The following UNC5A variants were observed in gnomAD, a reference collection of about 807,000 sequenced individuals.
UNC5A encodes the protein unc-5 netrin receptor A.
In UNC5A, 20 loss-of-function variants were observed where a neutral mutation model predicts 87.4. That is an observed-to-expected ratio of 0.23 (90% confidence interval 0.16 to 0.33). The LOEUF (loss-of-function observed/expected upper bound fraction) is 0.33, where lower values mean the gene tolerates loss of function less well. UNC5A is among the 10% of genes least tolerant of loss of function. The pLI is 1.00. For synonymous variants in UNC5A, 438 were observed against 482.3 expected (o/e 0.91, Z 1.20); for missense variants, 844 against 1,133.4 (o/e 0.74, Z 3.67).
chr5:176,824,223 C>T lies in UNC5A; in HGVS notation c.70+13403C>T, dbSNP rs1756797488. Among the ~76,000 whole-genome samples the T allele has an allele frequency of 1.3e-5, 2 of 152,162 alleles. No individual in the cohort carries two copies. Among genetic ancestry groups the T allele is most frequent in the South Asian group, 2.1e-4 (1 of 4,830 alleles). On this transcript the variant is annotated intron_variant, in intron 1 of 14. Transcript: ENST00000329542. The surrounding 1 kb of genome is among the most constrained non-coding windows in gnomAD (Gnocchi z 4.2). ...GACTATTTCCCCCATGTGTGGAAAG[C>T]GGCCGTGGGGCTGAGGCGGGTGAGG...
In UNC5A at chr5:176,844,526, G is replaced by A. The variant is rs967652580; in HGVS notation, c.71-18098G>A. Among the ~76,000 whole-genome samples, 4 of 152,234 alleles carry A rather than the reference G, an allele frequency of 2.6e-5. No homozygotes were observed. The highest frequency in any genetic ancestry group is 9.6e-5 in the African/African-American group (4 of 41,464). On this transcript the variant is annotated intron_variant, in intron 1 of 14. Transcript: ENST00000329542. The surrounding 1 kb of genome is among the most constrained non-coding windows in gnomAD (Gnocchi z 4.2). ...GCATACAGCAGGTTGGTGAGGGAAG[G>A]TCTGATGGGGACTTAGCCGCACTGT... is the stretch of plus-strand genomic sequence containing the variant.
chr5:176,870,542 C>A lies in UNC5A; in HGVS notation c.886+8C>A. ...GTGACCTCTGTGTACACAGTGAGTC[C>A]TCTCTGCCCTGAGGTCCTCTTCTGT... On this transcript the variant is annotated splice_region_variant and intron_variant, in intron 6 of 14. Transcript: ENST00000329542. The A allele has an allele frequency of 6.4e-7, 1 of 1,573,284 alleles. No individual in the cohort carries two copies.
intron 1 of UNC5A, among the ~76,000 whole-genome samples, chr5:176,820,728 G>A (rs1230718263): frequency 6.6e-6 from 1 of 152,162 alleles, no homozygotes; most frequent in Non-Finnish European, 1.5e-5. Flanking sequence ...TTTGCATAAG[G>A]CTCATTGGGC....
At chr5:176,833,488 T>C (rs1757072870) in intron 1 of UNC5A, among the ~76,000 whole-genome samples, 2 of 152,226 alleles carry the variant, frequency 1.3e-5, no homozygotes, top group African/African-American at 4.8e-5. Context: ...TTTTTATGGC[T>C]GTTTAGTATT....
At chr5:176,862,488 C>T (rs1414635956) in intron 1 of UNC5A, 136 bp from the exon 2 acceptor site, 3 of 854,054 alleles carry the variant, frequency 3.5e-6, no homozygotes, top group Non-Finnish European at 5.6e-6. Context: ...TGAGATTGCC[C>T]AGCTGGGACA....
rs1758237767 is a variant in UNC5A, at chr5:176,875,377, C to A, written c.1378+811C>A. ...CGTCTCCCACCCTCCCCCAGAGCCT[C>A]CCCATTCCTGGCTTCCCCCAGTTCA... On this transcript the variant is annotated intron_variant, in intron 8 of 14. Transcript: ENST00000329542. The surrounding 1 kb of genome is among the most constrained non-coding windows in gnomAD (Gnocchi z 5.2). 1.3e-5 allele frequency among the ~76,000 whole-genome samples: 2 copies of A among 152,098 alleles called. No individual in the cohort carries two copies. The highest frequency in any genetic ancestry group is 4.8e-5 in the African/African-American group (2 of 41,412).
chr5:176,854,284 C>T (rs1433597133), intron 1 of UNC5A, among the ~76,000 whole-genome samples: 1 of 149,798 alleles, frequency 6.7e-6, no homozygotes, highest in Admixed American at 6.6e-5. Flanking sequence ...GTCTCTGTCC[C>T]TGTCTCTGTC....
chr5:176,874,870 G>A lies in UNC5A; in HGVS notation c.1378+304G>A, dbSNP rs543078929. On this transcript the variant is annotated intron_variant, in intron 8 of 14. Transcript: ENST00000329542. The surrounding 1 kb of genome is among the most constrained non-coding windows in gnomAD (Gnocchi z 7.6). ...GGCAAGCCCCGGCCCCAAGGAGCTT[G>A]CAACTGAGCAGGGAGACAACCAAGG... 1.3e-5 allele frequency among the ~76,000 whole-genome samples: 2 copies of A among 152,338 alleles called. No homozygotes were observed. The highest frequency in any genetic ancestry group is 3.9e-4 in the East Asian group (2 of 5,182).
At chr5:176,823,268 G>A (rs1167095392) in intron 1 of UNC5A, among the ~76,000 whole-genome samples, 8 of 152,074 alleles carry the variant, frequency 5.3e-5, no homozygotes. Context: ...TGGGGAGCTG[G>A]GTTGGGGGAG....
chr5:176,833,118 G>A (rs1757066360), intron 1 of UNC5A, among the ~76,000 whole-genome samples: 1 of 152,242 alleles, frequency 6.6e-6, no homozygotes, highest in Non-Finnish European at 1.5e-5. Flanking sequence ...CCAAGTTGGA[G>A]TTGAGAGGAA....
At chr5:176,823,886 G>A (rs1320150429) in intron 1 of UNC5A, among the ~76,000 whole-genome samples, 4 of 152,162 alleles carry the variant, frequency 2.6e-5, no homozygotes, top group Non-Finnish European at 5.9e-5. Context: ...TTTCTCTGCC[G>A]CCCATTGTTT....
chr5:176,880,168 A>G lies in UNC5A; in HGVS notation c.*282A>G. 2.5e-6 allele frequency: 1 copy of G among 406,782 alleles called. No individual in the cohort carries two copies. Among genetic ancestry groups the G allele is most frequent in the Non-Finnish European group, 4.5e-6 (1 of 222,142 alleles). The allele number at this position is 406,782 out of a possible 1,614,324, so 25.2% of individuals were successfully genotyped here. ...AGGCCCAGCCCATCTGTGTGTGTGT[A>G]TGTGCGTGTGATGCTACCTCTCCTC... is the stretch of plus-strand genomic sequence containing the variant. On this transcript the variant is annotated 3_prime_UTR_variant, in exon 15 of 15. Coordinates refer to ENST00000329542, the MANE Select transcript of UNC5A (RefSeq NM_133369.3).
In UNC5A at chr5:176,868,831, C is replaced by A. The variant is rs768542337; in HGVS notation, c.588C>A (p.Pro196=). Residue 196 remains proline, a synonymous_variant, in exon 5 of 15, where the codon CCC becomes CCA. Coordinates refer to ENST00000329542, the MANE Select transcript of UNC5A (RefSeq NM_133369.3). ...ACCTGGTGGACCCGTCCCTGGACCC[C>A]AATGTATACATCACGCGGGAGCACA... The part of the protein sequence containing the change: ...NEDLVDPSLD[P]NVYITREHSL... 1 of 1,612,272 alleles carries A rather than the reference C, an allele frequency of 6.2e-7. No homozygotes were observed. Among genetic ancestry groups the A allele is most frequent in the Non-Finnish European group, 8.5e-7 (1 of 1,179,356 alleles).
Position 176,870,361 on chromosome 5 carries a change from C to G in UNC5A, c.722-9C>G. On this transcript the variant is annotated splice_polypyrimidine_tract_variant and intron_variant, in intron 5 of 14. Coordinates refer to ENST00000329542, the MANE Select transcript of UNC5A (RefSeq NM_133369.3). Reference sequence around the variant, plus strand: ...CGCACCGTCTCCTCTCTGCTTGTCTCTCATCTAGTGGACGGCAGCTGGAGC... The same window carrying G: ...CGCACCGTCTCCTCTCTGCTTGTCTGTCATCTAGTGGACGGCAGCTGGAGC... 1 of 1,610,732 alleles carries G rather than the reference C, an allele frequency of 6.2e-7. No homozygotes were observed. The highest frequency in any genetic ancestry group is 8.5e-7 in the Non-Finnish European group (1 of 1,179,446).
At chr5:176,853,435 T>C (rs2113638919) in intron 1 of UNC5A, among the ~76,000 whole-genome samples, 1 of 152,276 alleles carries the variant, frequency 6.6e-6, no homozygotes, top group Middle Eastern at 3.4e-3. Context: ...CTTTGTTCTT[T>C]GTGGTTCAGC....
At chr5:176,871,018 A>G (rs373054056) in intron 6 of UNC5A, among the ~76,000 whole-genome samples, 384 of 17,950 alleles carry the variant, frequency 0.021, 17 homozygotes, top group African/African-American at 0.062. Flanking sequence ...ATCTGCCCAC[A>G]CTCGCCCCAC....
At chr5:176,876,010 T>C (rs1487736131) in intron 8 of UNC5A, among the ~76,000 whole-genome samples, 1 of 152,250 alleles carries the variant, frequency 6.6e-6, no homozygotes, top group Non-Finnish European at 1.5e-5. Context: ...GCCCTTGCTC[T>C]TCGCTCCCCA....
rs1212245117 is a variant in UNC5A, at chr5:176,865,405, C to A, written c.292+2560C>A. ...AGTCGCAGGCCCGGGCCGGCACACA[C>A]ACCGGGAGCCCCTGGCCCACACTCC... On this transcript the variant is annotated intron_variant, in intron 2 of 14. Transcript: ENST00000329542. This position sits in a 1 kb window ranked among gnomAD's most constrained non-coding sequence, Gnocchi z 5.3. 1 of 355,580 alleles carries A rather than the reference C, an allele frequency of 2.8e-6. No homozygotes were observed. Among genetic ancestry groups the A allele is most frequent in the Non-Finnish European group, 5.6e-6 (1 of 180,008 alleles). The allele number at this position is 355,580 out of a possible 1,614,324, so 22.0% of individuals were successfully genotyped here.
At chr5:176,859,123 C>T (rs1446630494) in intron 1 of UNC5A, among the ~76,000 whole-genome samples, 2 of 123,440 alleles carry the variant, frequency 1.6e-5, no homozygotes, top group African/African-American at 6.8e-5. Context: ...GAGGGCATGG[C>T]TGCTAGAATG....
Sources: allele counts gnomAD v4.1 joint callset (sites outside exome capture counted in the v4.1 genomes callset), GRCh38; gene constraint gnomAD v4.1.1; non-coding constraint Gnocchi (gnomAD v3.1); transcripts MANE v1.5; gene names NCBI Gene and HGNC (gene_info 2026-07-23, HGNC 2026-07-21).